COL19A1: variants seen among roughly 807,000 people sequenced by gnomAD.
COL19A1 encodes collagen type XIX alpha 1 chain, also known as collagen alpha-1(XIX) chain.
COL19A1 carries 159 observed loss-of-function variants against 190.2 expected under a neutral mutation model. That is an observed-to-expected ratio of 0.84 (90% CI 0.73 to 0.95). The LOEUF (loss-of-function observed/expected upper bound fraction) is 0.95. Among genes scored for constraint, COL19A1 ranks in the 40% least tolerant of loss-of-function variants. The pLI, the probability that COL19A1 is intolerant of heterozygous loss-of-function variation, is 0.00. For synonymous variants in COL19A1, 509 were observed against 458.9 expected (o/e 1.11, Z -1.39); for missense variants, 1,418 against 1,431.9 (o/e 0.99, Z 0.16).
chr6:69,950,062 A>C (rs1477555893), intron 9 of COL19A1, among the ~76,000 whole-genome samples: 1 of 151,874 alleles, frequency 6.6e-6, no homozygotes, highest in Admixed American at 6.6e-5. Flanking sequence ...CACTTACATC[A>C]ATGTCATACT....
chr6:70,170,853 T>C (rs913196435), intron 40 of COL19A1, among the ~76,000 whole-genome samples: 2 of 152,200 alleles, frequency 1.3e-5, no homozygotes, highest in African/African-American at 4.8e-5. Flanking sequence ...CCTGGTAATA[T>C]TTTTGAAGCA....
At chr6:70,069,834 A>G (rs540460437) in intron 15 of COL19A1, among the ~76,000 whole-genome samples, 1 of 152,150 alleles carries the variant, frequency 6.6e-6, no homozygotes, top group African/African-American at 2.4e-5. Context: ...TTTAATCCCT[A>G]ATAGCATTCT....
At chr6:69,892,410 G>T (rs185223967) in intron 2 of COL19A1, among the ~76,000 whole-genome samples, 3 of 152,322 alleles carry the variant, frequency 2.0e-5, no homozygotes, top group Admixed American at 2.0e-4. Flanking sequence ...TTTGAAACAT[G>T]ATTTCTCTCT....
chr6:70,059,729 A>C (rs1298589162), intron 14 of COL19A1: 3 of 506,954 alleles, frequency 5.9e-6, no homozygotes, highest in Non-Finnish European at 1.2e-5. Flanking sequence ...ATGAATACCT[A>C]TGTAGACCTA....
chr6:69,993,552 G>A (rs1007989964), intron 11 of COL19A1, among the ~76,000 whole-genome samples: 27 of 151,326 alleles, frequency 1.8e-4, no homozygotes, highest in South Asian at 2.1e-4. Context: ...TTCTTTATTT[G>A]TCTAGTAGAA....
intron 15 of COL19A1, among the ~76,000 whole-genome samples, chr6:70,094,614 C>G (rs1283723344): frequency 6.6e-6 from 1 of 152,164 alleles, no homozygotes; most frequent in African/African-American, 2.4e-5. Context: ...ACCAATAGTC[C>G]ATTATTTGCA....
intron 47 of COL19A1, 55 bp from the exon 48 acceptor site, chr6:70,190,260 C>T (rs950009557): frequency 3.0e-6 from 4 of 1,327,232 alleles, no homozygotes; most frequent in Admixed American, 3.9e-5. Flanking sequence ...TATTTCTATT[C>T]TTTATTCATT....
intron 19 of COL19A1, among the ~76,000 whole-genome samples, chr6:70,140,227 T>A (rs931550644): frequency 6.6e-6 from 1 of 152,052 alleles, no homozygotes; most frequent in African/African-American, 2.4e-5. Context: ...GGCCTATTTT[T>A]ATTTGCATAT....
chr6:70,020,840 G>A (rs932134157), intron 11 of COL19A1, among the ~76,000 whole-genome samples: 2 of 152,110 alleles, frequency 1.3e-5, no homozygotes, highest in African/African-American at 4.8e-5. Flanking sequence ...ATGGATGGAT[G>A]CATAGTTGAT....
intron 4 of COL19A1, among the ~76,000 whole-genome samples, chr6:69,927,077 A>C (rs1014080728): frequency 2.0e-5 from 3 of 152,150 alleles, no homozygotes; most frequent in Non-Finnish European, 4.4e-5. Context: ...AGAATTTGAG[A>C]CTAGCACATC....
At chr6:69,917,937 G>C (rs1187699290) in intron 4 of COL19A1, among the ~76,000 whole-genome samples, 1 of 152,198 alleles carries the variant, frequency 6.6e-6, no homozygotes, top group Admixed American at 6.5e-5. Context: ...GGTGAGTTGA[G>C]TAATCTTGAT....
chr6:69,985,024 T>C (rs566587626), intron 11 of COL19A1, among the ~76,000 whole-genome samples: 1 of 152,184 alleles, frequency 6.6e-6, no homozygotes. Flanking sequence ...TTAATTTGGG[T>C]AGGTTCAAAA....
intron 36 of COL19A1, 62 bp from the exon 37 acceptor site, chr6:70,165,879 A>G: frequency 7.0e-7 from 1 of 1,421,914 alleles, no homozygotes; most frequent in Non-Finnish European, 9.9e-7. Context: ...ATTTCAGAAG[A>G]TAGTTTGTAA....
chr6:70,035,021 A>G (rs1277923813), intron 13 of COL19A1, among the ~76,000 whole-genome samples: 2 of 152,216 alleles, frequency 1.3e-5, no homozygotes, highest in Non-Finnish European at 2.9e-5. Context: ...GTTCCAAAAA[A>G]CAATGAATAC....
At chr6:70,065,838 G>A (rs1191297135) in intron 14 of COL19A1, among the ~76,000 whole-genome samples, 1 of 152,162 alleles carries the variant, frequency 6.6e-6, no homozygotes, top group Admixed American at 6.6e-5. Context: ...TATTTATGCA[G>A]CCAACAGACA....
chr6:70,105,075 C>CTGA (rs1279669237), intron 16 of COL19A1, among the ~76,000 whole-genome samples: 2 of 152,156 alleles, frequency 1.3e-5, no homozygotes, highest in East Asian at 3.9e-4. Context: ...AGCTATGGGT[C>CTGA]TGACACACAG....
intron 9 of COL19A1, among the ~76,000 whole-genome samples, chr6:69,940,537 A>G (rs1322779577): frequency 6.6e-6 from 1 of 152,206 alleles, no homozygotes; most frequent in African/African-American, 2.4e-5. Flanking sequence ...AAAATATACA[A>G]AAATGTATCT....
At chr6:70,086,818 CA>C (rs1454668536) in intron 15 of COL19A1, among the ~76,000 whole-genome samples, 1 of 152,154 alleles carries the variant, frequency 6.6e-6, no homozygotes, top group East Asian at 1.9e-4. Flanking sequence ...TAGTACCTTT[CA>C]AAAAGTTACG....
At chr6:70,084,670 G>C (rs183509370) in intron 15 of COL19A1, among the ~76,000 whole-genome samples, 2 of 152,216 alleles carry the variant, frequency 1.3e-5, no homozygotes, top group East Asian at 3.9e-4. Flanking sequence ...CAGATGTACA[G>C]CTTGTGCAGA....
Sources: gnomAD v4.1 joint callset for allele counts (sites outside exome capture counted in the v4.1 genomes callset) on GRCh38, gnomAD v4.1.1 for gene constraint, MANE v1.5 for transcripts, NCBI Gene and HGNC (gene_info 2026-07-23, HGNC 2026-07-21) for gene names.